Variants in VEGFC observed in about 807,000 individuals in gnomAD.
VEGFC encodes FLT4 ligand DHM.
VEGFC carries 12 observed loss-of-function variants against 46.1 expected under a neutral mutation model. The ratio of observed to expected loss-of-function variants is 0.26; its 90% CI spans 0.17 to 0.42. The LOEUF is 0.42. Ranked by LOEUF, VEGFC falls within the 10% of genes least tolerant of loss-of-function variation. The probability of loss-of-function intolerance (pLI) is 1.00; values close to 1 mark genes in which losing one functional copy is unlikely to be tolerated. For missense variants in VEGFC, 488 were observed against 529.4 expected (o/e 0.92, Z 0.77); for synonymous variants, 232 against 195.5 (o/e 1.19, Z -1.56).
intron 2 of VEGFC, among the ~76,000 whole-genome samples, 157 bp downstream of exon 2, chr4:176,729,376 T>G (rs999306985): frequency 1.3e-5 from 2 of 152,220 alleles, no homozygotes; most frequent in Non-Finnish European, 1.5e-5. Context: ...AGTGAAATCA[T>G]AAAATGTTGT....
intron 1 of VEGFC, among the ~76,000 whole-genome samples, chr4:176,756,798 A>C (rs1273939388): frequency 6.6e-6 from 1 of 152,060 alleles, no homozygotes; most frequent in East Asian, 1.9e-4. Context: ...AAAAGATAGG[A>C]CAATTAGGTT....
At chr4:176,778,769 TA>T (rs750527354) in intron 1 of VEGFC, among the ~76,000 whole-genome samples, 15 of 152,140 alleles carry the variant, frequency 9.9e-5, no homozygotes, top group Non-Finnish European at 1.9e-4. Flanking sequence ...TGCTCTGATC[TA>T]AACACCCCCT....
intron 1 of VEGFC, among the ~76,000 whole-genome samples, chr4:176,783,206 T>G (rs6848072): frequency 0.05 from 7,584 of 152,294 alleles, 377 homozygotes; most frequent in African/African-American, 0.11. Context: ...TCCGCACATC[T>G]CAGACAGCAC....
chr4:176,709,366 A>G (rs1316194977), intron 4 of VEGFC, among the ~76,000 whole-genome samples: 1 of 152,230 alleles, frequency 6.6e-6, no homozygotes, highest in Non-Finnish European at 1.5e-5. Context: ...TGTTGCAGAC[A>G]ATATAAACTT....
chr4:176,714,769 G>A (rs1371985734), intron 3 of VEGFC, among the ~76,000 whole-genome samples: 1 of 152,152 alleles, frequency 6.6e-6, no homozygotes, highest in African/African-American at 2.4e-5. Flanking sequence ...CCTCATCCAT[G>A]CCTAGGTAGA....
intron 1 of VEGFC, among the ~76,000 whole-genome samples, chr4:176,753,498 C>A (rs1735373516): frequency 6.6e-6 from 1 of 151,918 alleles, no homozygotes; most frequent in Non-Finnish European, 1.5e-5. Context: ...TCTTTGCAAA[C>A]ATAAAGACAT....
intron 3 of VEGFC, among the ~76,000 whole-genome samples, chr4:176,718,320 A>C (rs1354737102): frequency 6.6e-6 from 1 of 152,132 alleles, no homozygotes; most frequent in African/African-American, 2.4e-5. Flanking sequence ...AATCTTCCAG[A>C]CTGCTGCAGT....
intron 1 of VEGFC, among the ~76,000 whole-genome samples, chr4:176,731,135 G>C (rs556310479): frequency 6.6e-6 from 1 of 152,116 alleles, no homozygotes; most frequent in East Asian, 1.9e-4. Context: ...TACAGCCATA[G>C]AAAATCTACT....
intron 4 of VEGFC, among the ~76,000 whole-genome samples, chr4:176,690,457 T>C (rs1734136110): frequency 6.6e-6 from 1 of 152,158 alleles, no homozygotes; most frequent in South Asian, 2.1e-4. Flanking sequence ...CTTGTTTTTT[T>C]CACTTACCAA....
intron 4 of VEGFC, among the ~76,000 whole-genome samples, chr4:176,703,788 T>C (rs1734476674): frequency 6.6e-6 from 1 of 152,078 alleles, no homozygotes; most frequent in African/African-American, 2.4e-5. Flanking sequence ...AATGCAGTCA[T>C]AGCCACACCT....
chr4:176,776,648 T>C (rs1026039259), intron 1 of VEGFC, among the ~76,000 whole-genome samples: 2 of 152,108 alleles, frequency 1.3e-5, no homozygotes, highest in Non-Finnish European at 2.9e-5. Context: ...AGAATATGGG[T>C]CAGAAAAGAA....
At chr4:176,759,978 A>C (rs1735501192) in intron 1 of VEGFC, among the ~76,000 whole-genome samples, 1 of 148,794 alleles carries the variant, frequency 6.7e-6, no homozygotes, top group African/African-American at 2.5e-5. Flanking sequence ...TAAAGAAATA[A>C]GTGTTTTTAC....
chr4:176,768,491 CATATATATAT>C (rs145504348), intron 1 of VEGFC, among the ~76,000 whole-genome samples: 4 of 100,536 alleles, frequency 4.0e-5, no homozygotes, highest in Admixed American at 1.2e-4. Context: ...ATGTTTTATA[CATATATATAT>C]ATATATATAT....
At chr4:176,773,701 G>C (rs1735760144) in intron 1 of VEGFC, among the ~76,000 whole-genome samples, 1 of 152,084 alleles carries the variant, frequency 6.6e-6, no homozygotes, top group Admixed American at 6.6e-5. Context: ...TGTTTTTTAA[G>C]AGACAGGGTC....
intron 6 of VEGFC, 38 bp from the exon 7 acceptor site, chr4:176,684,078 C>T: frequency 1.4e-6 from 2 of 1,437,622 alleles, no homozygotes; most frequent in Non-Finnish European, 2.0e-6. Flanking sequence ...CGTTAAAGAT[C>T]AAGGCAATGG....
At chr4:176,750,569 C>G (rs1735325496) in intron 1 of VEGFC, among the ~76,000 whole-genome samples, 1 of 151,644 alleles carries the variant, frequency 6.6e-6, no homozygotes, top group Admixed American at 6.6e-5. Context: ...ACATTACTAC[C>G]TTTAGATTTC....
intron 1 of VEGFC, among the ~76,000 whole-genome samples, chr4:176,737,017 T>C (rs1735067407): frequency 6.6e-6 from 1 of 150,942 alleles, no homozygotes; most frequent in African/African-American, 2.4e-5. Context: ...ACAAAATATA[T>C]ATCAGTATAT....
intron 1 of VEGFC, among the ~76,000 whole-genome samples, chr4:176,760,106 G>A (rs992806953): frequency 2.6e-5 from 4 of 152,102 alleles, no homozygotes; most frequent in Admixed American, 6.6e-5. Context: ...GAAAAATAGC[G>A]TATTTTAAGA....
intron 1 of VEGFC, among the ~76,000 whole-genome samples, chr4:176,762,174 A>C (rs1735541754): frequency 6.6e-6 from 1 of 152,188 alleles, no homozygotes; most frequent in Non-Finnish European, 1.5e-5. Context: ...TAAAAACTGA[A>C]TCAGTTATTT....
Sources: allele counts gnomAD v4.1 joint callset (sites outside exome capture counted in the v4.1 genomes callset), GRCh38; gene constraint gnomAD v4.1.1; transcripts MANE v1.5; gene names NCBI Gene and HGNC (gene_info 2026-07-23, HGNC 2026-07-21).